Variants in FAF1 observed in about 807,000 individuals in gnomAD.
FAF1 encodes the protein Fas associated factor 1.
Under a neutral mutation model 92.5 loss-of-function variants are expected in FAF1, and 25 were observed. The observed-to-expected ratio is 0.27, with a 90% confidence interval of 0.20 to 0.38. The LOEUF (loss-of-function observed/expected upper bound fraction) is 0.38, where lower values mean the gene tolerates loss of function less well. Ranked by LOEUF, FAF1 falls within the 10% of genes least tolerant of loss-of-function variation. FAF1 has a pLI of 1.00. For synonymous variants in FAF1, 234 were observed against 273.2 expected, an observed-to-expected ratio of 0.86 and a Z score of 1.42; for missense variants, 636 against 793.3, an observed-to-expected ratio of 0.80 and a Z score of 2.38.
intron 7 of FAF1, among the ~76,000 whole-genome samples, chr1:50,659,441 C>T (rs1337315275): frequency 1.3e-5 from 2 of 152,282 alleles, no homozygotes; most frequent in South Asian, 4.1e-4. Flanking sequence ...AGAACACACG[C>T]ACAGGCTGGG....
At chr1:50,879,928 G>C (rs1412350601) in intron 1 of FAF1, among the ~76,000 whole-genome samples, 1 of 152,198 alleles carries the variant, frequency 6.6e-6, no homozygotes, top group South Asian at 2.1e-4. Flanking sequence ...ATCTGCCTAA[G>C]AGAACTCCAA....
chr1:50,922,989 C>T (rs1644977491), intron 1 of FAF1, among the ~76,000 whole-genome samples: 1 of 151,934 alleles, frequency 6.6e-6, no homozygotes, highest in African/African-American at 2.4e-5. Context: ...ATATTATGAA[C>T]AGCTATATAC....
At chr1:50,748,831 A>T (rs1429675671) in intron 4 of FAF1, among the ~76,000 whole-genome samples, 1 of 152,230 alleles carries the variant, frequency 6.6e-6, no homozygotes, top group Non-Finnish European at 1.5e-5. Context: ...AAGAAGAAAA[A>T]TAATTCCATG....
At chr1:50,713,773 C>CTTTTT (rs58832551) in intron 6 of FAF1, among the ~76,000 whole-genome samples, 9 of 119,544 alleles carry the variant, frequency 7.5e-5, no homozygotes, top group Non-Finnish European at 1.2e-4. Flanking sequence ...AATGTAAAAG[C>CTTTTT]TTTTTTTTTT....
At chr1:50,861,336 T>A (rs1185438904) in intron 1 of FAF1, among the ~76,000 whole-genome samples, 2 of 151,824 alleles carry the variant, frequency 1.3e-5, no homozygotes, top group Non-Finnish European at 2.9e-5. Context: ...GGAGATGAGG[T>A]CTTTGAGAGG....
chr1:50,586,044 C>A (rs1293713956), intron 9 of FAF1, among the ~76,000 whole-genome samples: 1 of 151,930 alleles, frequency 6.6e-6, no homozygotes, highest in African/African-American at 2.4e-5. Flanking sequence ...CAGAGTGAGA[C>A]CCTGGCTCAA....
intron 1 of FAF1, among the ~76,000 whole-genome samples, chr1:50,956,074 A>G (rs1275537937): frequency 6.6e-6 from 1 of 152,240 alleles, no homozygotes; most frequent in African/African-American, 2.4e-5. Flanking sequence ...TGGCAGTGAT[A>G]GTAACAAAGC....
intron 1 of FAF1, among the ~76,000 whole-genome samples, chr1:50,905,376 T>C (rs528217572): frequency 9.2e-5 from 14 of 152,344 alleles, no homozygotes; most frequent in African/African-American, 3.1e-4. Context: ...GCATCATGAT[T>C]CATAATCCTT....
chr1:50,822,778 T>TTTC (rs1557545210), intron 2 of FAF1, among the ~76,000 whole-genome samples: 14 of 105,040 alleles, frequency 1.3e-4, no homozygotes, highest in Admixed American at 2.9e-4. Flanking sequence ...TTCTTTCTTT[T>TTTC]TTTTTTTTTT....
intron 6 of FAF1, among the ~76,000 whole-genome samples, chr1:50,710,383 TG>T (rs1428483683): frequency 6.6e-6 from 1 of 152,202 alleles, no homozygotes; most frequent in African/African-American, 2.4e-5. Context: ...GGCTTTAAAC[TG>T]CTTTGGAGTC....
chr1:50,824,237 A>T (rs760522643), intron 2 of FAF1, among the ~76,000 whole-genome samples: 7 of 152,178 alleles, frequency 4.6e-5, no homozygotes, highest in Non-Finnish European at 1.0e-4. Flanking sequence ...TTATTTTAAA[A>T]GCATCTAGGC....
rs1375923156 is a variant in FAF1 at position 50,729,058 on chromosome 1, A to ATATTTTT, written c.551+9804_551+9805insAAAAATA. On this transcript the variant is annotated intron_variant, in intron 6 of 18. Transcript: ENST00000396153. Reference sequence around the variant, plus strand: ...TCTATATATATATATATATATATATATTTTTTTTTTTTTTGAGGCAGAGTT... The same window carrying ATATTTTT: ...TCTATATATATATATATATATATATATATTTTTTTTTTTTTTTTTTTGAGGCAGAGTT... 2.6e-3 allele frequency among the ~76,000 whole-genome samples: 184 copies of ATATTTTT among 70,102 alleles called. 1 individual carries two copies. Among genetic ancestry groups the ATATTTTT allele is most frequent in the South Asian group, 3.4e-3 (6 of 1,782 alleles). 46.0% of individuals were successfully genotyped at this position (70,102 alleles called of 152,430 possible). A position where few individuals can be genotyped will look rare whatever the true frequency, so the allele number is the denominator to read the frequency against.
rs559070709 is a variant in FAF1 at position 50,832,868 on chromosome 1, T to TA, written c.114+25060dup. ...TCCTCTTTTGAAGCTAAGGCAGAAA[T>TA]AAAAAAAAATTAAGCTATTTATTTC... On this transcript the variant is annotated intron_variant, in intron 2 of 18. Coordinates refer to ENST00000396153, the MANE Select transcript of FAF1 (RefSeq NM_007051.3). 6.3e-3 allele frequency among the ~76,000 whole-genome samples: 957 copies of TA among 151,732 alleles called. 3 individuals carry two copies. Among genetic ancestry groups the TA allele is most frequent in the South Asian group, 0.011 (51 of 4,810 alleles).
intron 17 of FAF1, among the ~76,000 whole-genome samples, chr1:50,485,490 G>A (rs559324194): frequency 1.3e-5 from 2 of 151,256 alleles, no homozygotes; most frequent in African/African-American, 2.4e-5. Flanking sequence ...GTGAAACCCC[G>A]TCTCTACTAA....
At chr1:50,460,036 G>A (rs1397770756) in intron 18 of FAF1, among the ~76,000 whole-genome samples, 2 of 152,184 alleles carry the variant, frequency 1.3e-5, no homozygotes, top group Non-Finnish European at 2.9e-5. Context: ...ATTTTTCCAT[G>A]TATAGTTCTT....
chr1:50,738,443 CAAAAAAAAAAAA>C (rs533056212), intron 6 of FAF1, among the ~76,000 whole-genome samples: 1 of 79,078 alleles, frequency 1.3e-5, no homozygotes, highest in Non-Finnish European at 2.6e-5. Flanking sequence ...AACTCCGTCG[CAAAAAAAAAAAA>C]AAAAAAAAAT....
chr1:50,740,274 A>AGGTG (rs1659329310), intron 5 of FAF1, among the ~76,000 whole-genome samples: 1 of 152,176 alleles, frequency 6.6e-6, no homozygotes, highest in Admixed American at 6.5e-5. Context: ...AGGGCCATCA[A>AGGTG]GGTGGGTCTC....
At chr1:50,489,204 T>C (rs550793739) in intron 17 of FAF1, among the ~76,000 whole-genome samples, 1 of 152,338 alleles carries the variant, frequency 6.6e-6, no homozygotes, top group African/African-American at 2.4e-5. Context: ...AATATCTTCT[T>C]ATAGGCAGAA....
At chr1:50,592,242 A>C (rs1252434866) in intron 9 of FAF1, among the ~76,000 whole-genome samples, 1 of 152,208 alleles carries the variant, frequency 6.6e-6, no homozygotes, top group Non-Finnish European at 1.5e-5. Context: ...CCATAGTTAT[A>C]AACTGATGCT....
Sources: allele counts gnomAD v4.1 joint callset (sites outside exome capture counted in the v4.1 genomes callset), GRCh38; gene constraint gnomAD v4.1.1; transcripts MANE v1.5; gene names NCBI Gene and HGNC (gene_info 2026-07-23, HGNC 2026-07-21).